Variants in SNX30 observed in about 807,000 individuals in gnomAD.
SNX30 encodes the protein sorting nexin family member 30.
Under a neutral mutation model 46.4 loss-of-function variants are expected in SNX30, and 24 were observed. The observed-to-expected ratio is 0.52, with a 90% CI of 0.37 to 0.73. The LOEUF is 0.73. Among genes scored for constraint, SNX30 ranks in the 30% least tolerant of loss-of-function variants. SNX30 has a pLI of 0.00. For missense variants in SNX30, 533 were observed against 555.7 expected (o/e 0.96, Z 0.41); for synonymous variants, 189 against 211.5 (o/e 0.89, Z 0.92).
intron 5 of SNX30, among the ~76,000 whole-genome samples, chr9:112,836,659 G>A (rs779280868): frequency 2.6e-5 from 4 of 152,222 alleles, no homozygotes; most frequent in Non-Finnish European, 4.4e-5. Flanking sequence ...GATTCGCCAG[G>A]TGTTTCCTCT....
chr9:112,830,849 T>G lies in SNX30; in HGVS notation c.584T>G (p.Phe195Cys), dbSNP rs1352057710. Reference sequence around the variant, plus strand: ...ATTACGGACCATCCTGTGCTGTCTTTCAATGAACACTTTAATATTTTCCTT... The same window carrying G: ...ATTACGGACCATCCTGTGCTGTCTTGCAATGAACACTTTAATATTTTCCTT... Reference protein sequence around the residue: ...KRITDHPVLSFNEHFNIFLTA... With the variant: ...KRITDHPVLSCNEHFNIFLTA... The change falls in exon 4 of 9, where the codon TTC becomes TGC. Residue 195 changes from phenylalanine to cysteine, a missense_variant. Around this residue, in one of 3 missense-constraint regions of SNX30, gnomAD observed 81 missense variants for 124.4 expected, o/e 0.65. Transcript: ENST00000374232. 4 of 1,613,416 alleles carry G rather than the reference T, an allele frequency of 2.5e-6. No homozygotes were observed. Among genetic ancestry groups the G allele is most frequent in the Non-Finnish European group, 3.4e-6 (4 of 1,179,816 alleles).
At chr9:112,812,176 A>G (rs1335215095) in intron 2 of SNX30, among the ~76,000 whole-genome samples, 2 of 152,138 alleles carry the variant, frequency 1.3e-5, no homozygotes, top group African/African-American at 4.8e-5. Flanking sequence ...TTTACCTATC[A>G]CTATATCTTT....
chr9:112,878,373 G>A (rs932497537), downstream of SNX30: 10 of 152,160 alleles, frequency 6.6e-5, no homozygotes, highest in African/African-American at 1.9e-4. Context: ...CCAGCAAGTT[G>A]TTCCTTCTGC....
chr9:112,793,167 C>T (rs1429690319), intron 1 of SNX30, among the ~76,000 whole-genome samples: 1 of 152,152 alleles, frequency 6.6e-6, no homozygotes. Flanking sequence ...ATGTTGTTAG[C>T]ATTGTCTTAG....
At position 112,869,947 on chromosome 9, in the gene SNX30, C is replaced by G. The variant is rs1461734583; in HGVS notation, c.*1104C>G. 1 of 152,128 alleles carries G rather than the reference C, an allele frequency of 6.6e-6. No homozygotes were observed. The highest frequency in any genetic ancestry group is 1.5e-5 in the Non-Finnish European group (1 of 68,030). The allele number at this position is 152,128 out of a possible 1,614,324, so 9.4% of individuals were successfully genotyped here. On this transcript the variant is annotated 3_prime_UTR_variant, in exon 9 of 9. Transcript: ENST00000374232. ...ATGTTCTACATAAAGTGCTTTAACC[C>G]TTAACATTTCCTGGTCAGGAAGGAA...
At chr9:112,818,411 G>C (rs1840438161) in intron 3 of SNX30, among the ~76,000 whole-genome samples, 1 of 152,088 alleles carries the variant, frequency 6.6e-6, no homozygotes, top group African/African-American at 2.4e-5. Context: ...TGTATTTTTA[G>C]TAGAGATGGG....
In SNX30 at chr9:112,868,849, T is replaced by C; in HGVS notation, c.*6T>C. The C allele has an allele frequency of 6.2e-7, 1 of 1,614,140 alleles. No homozygotes were observed. The highest frequency in any genetic ancestry group is 2.2e-5 in the East Asian group (1 of 44,874). On this transcript the variant is annotated 3_prime_UTR_variant, in exon 9 of 9. Coordinates refer to ENST00000374232, the MANE Select transcript of SNX30 (RefSeq NM_001012994.2). The stretch of plus-strand genomic sequence containing the variant: ...AGAAACAAGAGGCCAAGTAAAGTTC[T>C]TTCTTGGGACGGAGACTCTTCTACC...
intron 1 of SNX30, among the ~76,000 whole-genome samples, chr9:112,766,605 T>C (rs1839541192): frequency 6.6e-6 from 1 of 152,242 alleles, no homozygotes. Flanking sequence ...ACCCATTAAA[T>C]GACTGCTGCC....
chr9:112,757,072 T>TTC (rs536359333), intron 1 of SNX30, among the ~76,000 whole-genome samples: 74 of 152,340 alleles, frequency 4.9e-4, no homozygotes, highest in South Asian at 2.5e-3. Context: ...AGTCCTCATG[T>TTC]TCTACATTAG....
intron 1 of SNX30, among the ~76,000 whole-genome samples, chr9:112,772,055 CT>C (rs1839659851): frequency 6.6e-6 from 1 of 152,152 alleles, no homozygotes; most frequent in South Asian, 2.1e-4. Context: ...TGCCCTTGCC[CT>C]CATCCTTCCT....
intron 3 of SNX30, among the ~76,000 whole-genome samples, chr9:112,819,173 C>T (rs10981513): frequency 3.3e-5 from 5 of 151,780 alleles, no homozygotes; most frequent in Admixed American, 6.6e-5. Flanking sequence ...ATTAGTGTGG[C>T]ACTTTTGTCA....
At chr9:112,790,515 G>A (rs1013764077) in intron 1 of SNX30, among the ~76,000 whole-genome samples, 9 of 152,174 alleles carry the variant, frequency 5.9e-5, no homozygotes, top group Non-Finnish European at 1.2e-4. Context: ...GGAAGCATGC[G>A]TTGGCTCTTA....
intron 4 of SNX30, among the ~76,000 whole-genome samples, chr9:112,835,472 A>ATT (rs34706176): frequency 2.8e-4 from 40 of 141,838 alleles, no homozygotes; most frequent in African/African-American, 8.8e-4. Context: ...TGCCCAACTA[A>ATT]TTTTTTTTTT....
At chr9:112,762,286 G>C (rs1839452235) in intron 1 of SNX30, among the ~76,000 whole-genome samples, 1 of 152,138 alleles carries the variant, frequency 6.6e-6, no homozygotes, top group South Asian at 2.1e-4. Flanking sequence ...GTTCCTGCTT[G>C]AGAAGGGGCA....
chr9:112,805,629 C>A (rs1029493860), intron 2 of SNX30, among the ~76,000 whole-genome samples: 3 of 152,090 alleles, frequency 2.0e-5, no homozygotes, highest in African/African-American at 7.2e-5. Context: ...CCACTATGCC[C>A]AGCTAATTTT....
chr9:112,843,523 A>G (rs1282927757), intron 6 of SNX30, among the ~76,000 whole-genome samples: 1 of 150,214 alleles, frequency 6.7e-6, no homozygotes, highest in Non-Finnish European at 1.5e-5. Context: ...ATGAGCTCAG[A>G]GTCTTTGCAG....
chr9:112,784,699 G>A (rs551075783), intron 1 of SNX30, among the ~76,000 whole-genome samples: 36 of 152,254 alleles, frequency 2.4e-4, no homozygotes, highest in Admixed American at 5.9e-4. Context: ...TCCAGTGAAC[G>A]TCAGTAGGTT....
At chr9:112,832,459 A>AGTGTGT (rs34515014) in intron 4 of SNX30, among the ~76,000 whole-genome samples, 5 of 111,246 alleles carry the variant, frequency 4.5e-5, no homozygotes, top group African/African-American at 2.0e-4. Context: ...AGAGAGAGAG[A>AGTGTGT]GTGTGTGTGT....
intron 8 of SNX30, among the ~76,000 whole-genome samples, chr9:112,866,331 C>T (rs1386557524): frequency 1.3e-5 from 2 of 152,148 alleles, no homozygotes; most frequent in African/African-American, 4.8e-5. Flanking sequence ...AATGACATTT[C>T]ATCCGAGTCT....
Sources: allele counts gnomAD v4.1 joint callset (sites outside exome capture counted in the v4.1 genomes callset), GRCh38; gene constraint gnomAD v4.1.1; regional missense constraint gnomAD v4.1.1; transcripts MANE v1.5; gene names NCBI Gene and HGNC (gene_info 2026-07-23, HGNC 2026-07-21).